Variants in FHOD3 observed in about 807,000 individuals in gnomAD.
FHOD3 encodes formin homology 2 domain containing 3, also known as FH1/FH2 domain-containing protein 3.
A neutral mutation model predicts 173.0 loss-of-function variants in FHOD3; 90 were observed. The observed-to-expected ratio is 0.52, with a 90% CI of 0.44 to 0.62. The LOEUF (loss-of-function observed/expected upper bound fraction) is 0.62. Among genes scored for constraint, FHOD3 ranks in the 20% least tolerant of loss-of-function variants. The pLI is 0.00. For missense variants in FHOD3, 1,945 were observed against 2,034.7 expected (o/e 0.96, Z 0.85); for synonymous variants, 828 against 823.0 (o/e 1.01, Z -0.10).
Position 36,453,691 on chromosome 18 carries a change from G to T in FHOD3, c.338-48241G>T, listed in dbSNP as rs75404033. 7.3e-3 allele frequency among the ~76,000 whole-genome samples: 1,113 copies of T among 152,346 alleles called. 10 individuals are homozygous for T. Among genetic ancestry groups the T allele is most frequent in the African/African-American group, 0.024 (1,018 of 41,578 alleles). On this transcript the variant is annotated intron_variant, in intron 3 of 28. Coordinates refer to ENST00000590592, the MANE Select transcript of FHOD3 (RefSeq NM_001281740.3). ...TGGCTGGAACAGGGAGCCAGGGGAG[G>T]CCAGGCTTTGAATGAGGCCAGAGGC... is the stretch of plus-strand genomic sequence containing the variant.
chr18:36,368,862 C>T (rs1275467154), intron 2 of FHOD3, among the ~76,000 whole-genome samples: 5 of 152,066 alleles, frequency 3.3e-5, no homozygotes, highest in African/African-American at 4.8e-5. Flanking sequence ...ATCACAAGAA[C>T]AGCATGGGGG....
chr18:36,594,111 G>A (rs2029888888), intron 6 of FHOD3, among the ~76,000 whole-genome samples: 3 of 152,206 alleles, frequency 2.0e-5, no homozygotes, highest in African/African-American at 7.2e-5. Flanking sequence ...GGCAGCTTCA[G>A]TTGGGAGGTT....
intron 3 of FHOD3, among the ~76,000 whole-genome samples, chr18:36,437,130 A>C (rs1018220851): frequency 2.6e-5 from 4 of 151,576 alleles, no homozygotes; most frequent in South Asian, 4.2e-4. Context: ...TTTTGTTTTG[A>C]TTTTTTGAGA....
chr18:36,352,794 A>T (rs2046192245), intron 1 of FHOD3, among the ~76,000 whole-genome samples: 1 of 152,250 alleles, frequency 6.6e-6, no homozygotes, highest in Non-Finnish European at 1.5e-5. Context: ...GGGATTAAAA[A>T]TAGGCAAAGT....
In FHOD3 at chr18:36,467,829, T is replaced by G. The variant is rs563897055; in HGVS notation, c.338-34103T>G. ...TTTATTTAACATTCAACCCTCGACA[T>G]GAATGCTCCTGTGCTTTGGGCAGAG... is the stretch of plus-strand genomic sequence containing the variant. On this transcript the variant is annotated intron_variant, in intron 3 of 28. Transcript: ENST00000590592. 2.0e-5 allele frequency among the ~76,000 whole-genome samples: 3 copies of G among 152,196 alleles called. No individual in the cohort carries two copies. The South Asian group carries it at 6.2e-4, about 31-fold the overall frequency.
At chr18:36,701,515 G>T (rs1026978791) in intron 17 of FHOD3, among the ~76,000 whole-genome samples, 1 of 152,130 alleles carries the variant, frequency 6.6e-6, no homozygotes, top group Non-Finnish European at 1.5e-5. Context: ...GTGGGAAGTG[G>T]AAATTCTAAT....
At chr18:36,543,911 A>G (rs535718387) in intron 5 of FHOD3, among the ~76,000 whole-genome samples, 1 of 152,332 alleles carries the variant, frequency 6.6e-6, no homozygotes, top group Admixed American at 6.5e-5. Context: ...AGAAGCTAGG[A>G]ACTTCGTATC....
rs150511944 is a variant in FHOD3 at position 36,456,733 on chromosome 18, A to G, written c.338-45199A>G. Among the ~76,000 whole-genome samples the G allele has an allele frequency of 1.7e-3, 265 of 152,142 alleles. 1 individual carries two copies. Among genetic ancestry groups the G allele is most frequent in the Non-Finnish European group, 3.0e-3 (206 of 68,016 alleles). On this transcript the variant is annotated intron_variant, in intron 3 of 28. Coordinates refer to ENST00000590592, the MANE Select transcript of FHOD3 (RefSeq NM_001281740.3). ...TTCCTGGTTGAGCTCTGGGGACTGC[A>G]CCAAGCTTCTGGAGAGAGCCTTGCT...
chr18:36,552,112 A>C (rs1157898345), intron 5 of FHOD3, among the ~76,000 whole-genome samples: 2 of 152,098 alleles, frequency 1.3e-5, no homozygotes, highest in Admixed American at 6.5e-5. Flanking sequence ...CACAATATTG[A>C]TTCTTCCTAT....
intron 17 of FHOD3, among the ~76,000 whole-genome samples, chr18:36,698,454 G>A (rs1005531040): frequency 1.3e-5 from 2 of 152,148 alleles, no homozygotes; most frequent in Admixed American, 6.5e-5. Context: ...GGCATAGAAT[G>A]GCACTGGAAA....
intron 3 of FHOD3, among the ~76,000 whole-genome samples, chr18:36,498,666 A>G (rs2054866660): frequency 6.6e-6 from 1 of 152,204 alleles, no homozygotes; most frequent in South Asian, 2.1e-4. Context: ...CACAAAGTCT[A>G]TACAAATCCC....
intron 3 of FHOD3, among the ~76,000 whole-genome samples, chr18:36,494,533 GA>G (rs1174510395): frequency 6.6e-6 from 1 of 152,124 alleles, no homozygotes; most frequent in Non-Finnish European, 1.5e-5. Context: ...AGCGGTGGGA[GA>G]AAAAATGCAT....
In FHOD3 at chr18:36,612,091, A is replaced by G; in HGVS notation, c.953A>G (p.Tyr318Cys). Residue 318 changes from tyrosine to cysteine, a missense_variant, in exon 9 of 29, where the codon TAT (tyrosine) becomes TGT (cysteine). By Grantham distance (194) the Tyr-to-Cys change is radical. Around this residue, in one of 5 missense-constraint regions of FHOD3, gnomAD observed 1,099 missense variants for 1,051.2 expected, o/e 1.05. Transcript: ENST00000590592. ...DLDLVEQLNI[Y>C]EVALRHEDGD... ...GACTTAGTGGAGCAACTCAACATTT[A>G]TGAGGTACCAGACCATGCCTTTTGT... is the stretch of plus-strand genomic sequence containing the variant. The G allele has an allele frequency of 6.2e-7, 1 of 1,613,772 alleles. No homozygotes were observed. The highest frequency in any genetic ancestry group is 8.5e-7 in the Non-Finnish European group (1 of 1,179,890).
chr18:36,351,192 G>A (rs1053996291), intron 1 of FHOD3, among the ~76,000 whole-genome samples: 10 of 152,092 alleles, frequency 6.6e-5, no homozygotes, highest in Admixed American at 4.6e-4. Flanking sequence ...CTATAGCCCC[G>A]CTGTGAGGAC....
At chr18:36,668,004 T>C (rs2037295210) in intron 14 of FHOD3, among the ~76,000 whole-genome samples, 2 of 152,162 alleles carry the variant, frequency 1.3e-5, no homozygotes, top group African/African-American at 4.8e-5. Context: ...TCTTCCACAA[T>C]GGCTGTACAT....
intron 14 of FHOD3, among the ~76,000 whole-genome samples, chr18:36,666,566 T>G (rs1336711509): frequency 1.3e-5 from 2 of 152,236 alleles, no homozygotes; most frequent in African/African-American, 4.8e-5. Flanking sequence ...TTATTATTTT[T>G]GACCTCTAAG....
In FHOD3 at chr18:36,566,155, T is replaced by G. The variant is rs553508572; in HGVS notation, c.512-10296T>G. ...GCTGTTTGTGCAAAAAGTCAGATGA[T>G]TTTGCCAGGAAGAGATCGTCTTTCA... On this transcript the variant is annotated intron_variant, in intron 5 of 28. Coordinates refer to ENST00000590592, the MANE Select transcript of FHOD3 (RefSeq NM_001281740.3). Among the ~76,000 whole-genome samples, 15 of 152,274 alleles carry G rather than the reference T, an allele frequency of 9.9e-5. No homozygotes were observed. In the East Asian group the frequency reaches 1.7e-3, roughly 18 times the overall value.
intron 3 of FHOD3, among the ~76,000 whole-genome samples, chr18:36,401,858 T>C (rs73949475): frequency 0.019 from 2,858 of 152,300 alleles, 90 homozygotes; most frequent in Admixed American, 0.085. Flanking sequence ...TTTTACCAAT[T>C]CATTGATTTA....
At chr18:36,623,837 G>C (rs1375309928) in intron 9 of FHOD3, among the ~76,000 whole-genome samples, 1 of 152,246 alleles carries the variant, frequency 6.6e-6, no homozygotes, top group East Asian at 1.9e-4. Flanking sequence ...AACGGTTTGT[G>C]TATCTCAGGT....
Sources: allele counts gnomAD v4.1 joint callset (sites outside exome capture counted in the v4.1 genomes callset), GRCh38; gene constraint gnomAD v4.1.1; regional missense constraint gnomAD v4.1.1; transcripts MANE v1.5; gene names NCBI Gene and HGNC (gene_info 2026-07-23, HGNC 2026-07-21).